CREBBP: variants seen among roughly 807,000 people sequenced by gnomAD.
CREBBP encodes CREB binding lysine acetyltransferase, also known as CREB-binding protein.
A neutral mutation model predicts 265.0 loss-of-function variants in CREBBP; 19 were observed. That is an observed-to-expected ratio of 0.07 (90% CI 0.05 to 0.11). The LOEUF (loss-of-function observed/expected upper bound fraction) is 0.11. Ranked by LOEUF, CREBBP falls within the 10% of genes least tolerant of loss-of-function variation. CREBBP has a pLI of 1.00. For synonymous variants in CREBBP, 1,457 were observed against 1,223.7 expected (o/e 1.19, Z -3.98); for missense variants, 2,525 against 3,219.0 (o/e 0.78, Z 5.22).
intron 1 of CREBBP, among the ~76,000 whole-genome samples, chr16:3,870,850 A>T (rs2055279052): frequency 6.6e-6 from 1 of 152,090 alleles, no homozygotes; most frequent in Admixed American, 6.6e-5. Context: ...GTACCAAGAT[A>T]ATCAAAGTAA....
chr16:3,777,552 G>A lies in CREBBP; in HGVS notation c.2158+61C>T, dbSNP rs12051375. The A allele has an allele frequency of 0.02, 31,108 of 1,545,000 alleles. 1,862 individuals are homozygous for A. The highest frequency in any genetic ancestry group is 0.18 in the East Asian group (7,907 of 44,572). On this transcript the variant is annotated intron_variant, in intron 11 of 30. Transcript: ENST00000262367. ...ATATACAGGGGGAGAGGAAAAAACA[G>A]TGAAAGTTATGGCTGTTGAATGTAA...
At position 3,758,954 on chromosome 16, in the gene CREBBP, A is replaced by G; in HGVS notation, c.3269T>C (p.Leu1090Ser). 1 of 1,612,960 alleles carries G rather than the reference A, an allele frequency of 6.2e-7. No individual in the cohort carries two copies. The highest frequency in any genetic ancestry group is 8.5e-7 in the Non-Finnish European group (1 of 1,179,772). The change falls in exon 17 of 31, where the codon TTA becomes TCA. Residue 1090 changes from leucine to serine, a missense_variant. Physicochemically the swap from Leu to Ser is moderately radical, Grantham distance 145. Around this residue, in one of 19 missense-constraint regions of CREBBP, gnomAD observed 12 missense variants for 24.9 expected, o/e 0.48. Transcript: ENST00000262367. ...PRKKIFKPEELRQALMPTLEA... is the reference protein window; with the variant it reads ...PRKKIFKPEESRQALMPTLEA... Reference sequence around the variant, plus strand: ...TAGGGTTGGCATGAGGGCCTGGCGTAACTCCTCTGGTTTAAAGACTGCAGA... The same window carrying G: ...TAGGGTTGGCATGAGGGCCTGGCGTGACTCCTCTGGTTTAAAGACTGCAGA...
Position 3,837,849 on chromosome 16 carries a change from A to T in CREBBP, c.798+12448T>A, listed in dbSNP as rs114513655. Among the ~76,000 whole-genome samples, 1,431 of 152,320 alleles carry T rather than the reference A, an allele frequency of 9.4e-3. 19 individuals are homozygous for T. The highest frequency in any genetic ancestry group is 0.032 in the African/African-American group (1,334 of 41,570). On this transcript the variant is annotated intron_variant, in intron 2 of 30. Coordinates refer to ENST00000262367, the MANE Select transcript of CREBBP (RefSeq NM_004380.3). ...AAAATAAATAAATTTAGCATGGCCT[A>T]AGTATATAGTGTTTATAAAGTCTAT...
At chr16:3,815,898 CTT>C (rs527433227) in intron 2 of CREBBP, among the ~76,000 whole-genome samples, 1 of 150,840 alleles carries the variant, frequency 6.6e-6, no homozygotes, top group Admixed American at 6.6e-5. Flanking sequence ...CTTATTCATT[CTT>C]TTTTTTTGTA....
chr16:3,731,375 C>T lies in CREBBP; in HGVS notation c.4989G>A (p.Gly1663=), dbSNP rs1292162799. 6.2e-7 allele frequency: 1 copy of T among 1,612,616 alleles called. No individual in the cohort carries two copies. Among genetic ancestry groups the T allele is most frequent in the Non-Finnish European group, 8.5e-7 (1 of 1,179,468 alleles). Residue 1663 remains glycine (G), a synonymous_variant, in exon 30 of 31, where the codon GGG becomes GGA. Transcript: ENST00000262367. The surrounding 1 kb of genome is among the most constrained non-coding windows in gnomAD (Gnocchi z 7.7). ...DPLLSCDLMD[G]RDAFLTLARD... is the part of the protein sequence containing the mutation. ...TGGCGAGGGTGAGGAAGGCGTCGCG[C>T]CCATCCATGAGGTCACAGCTGAGCA...
In CREBBP at chr16:3,782,949, A is replaced by G. The variant is rs370117594; in HGVS notation, c.1331-23T>C. On this transcript the variant is annotated intron_variant, in intron 5 of 30. Transcript: ENST00000262367. ...TGGCTATAACGACAAACAGACAGAC[A>G]GACAAAAACGAGAGGTAAGTAAAAG... 9 of 1,614,078 alleles carry G rather than the reference A, an allele frequency of 5.6e-6. No individual in the cohort carries two copies. In the African/African-American group the frequency reaches 1.1e-4, roughly 19 times the overall value.
chr16:3,747,199 C>G (rs2052362615), intron 21 of CREBBP, among the ~76,000 whole-genome samples: 1 of 152,164 alleles, frequency 6.6e-6, no homozygotes, highest in African/African-American at 2.4e-5. Context: ...ATGTCTTCTC[C>G]TCTTCTGTTC....
At chr16:3,814,565 T>C (rs562033947) in intron 2 of CREBBP, among the ~76,000 whole-genome samples, 1 of 152,090 alleles carries the variant, frequency 6.6e-6, no homozygotes, top group South Asian at 2.1e-4. Context: ...CCATAACTGG[T>C]CAATTTCAAA....
intron 28 of CREBBP, 31 bp downstream of exon 28, chr16:3,736,005 T>G (rs770191253): frequency 6.2e-7 from 1 of 1,614,156 alleles, no homozygotes; most frequent in East Asian, 2.2e-5. Context: ...GCGGGACACG[T>G]GGGCAATGGA....
intron 1 of CREBBP, among the ~76,000 whole-genome samples, chr16:3,879,229 C>A (rs935201695): frequency 7.2e-4 from 17 of 23,670 alleles, no homozygotes; most frequent in African/African-American, 1.6e-3. Flanking sequence ...AAAACACACA[C>A]GCGCGCACAC....
chr16:3,756,736 C>G (rs1256517301), intron 19 of CREBBP, among the ~76,000 whole-genome samples: 1 of 152,164 alleles, frequency 6.6e-6, no homozygotes, highest in Non-Finnish European at 1.5e-5. Flanking sequence ...ACTGATCAGG[C>G]CAAATTACCA....
At position 3,725,453 on chromosome 16, in the gene CREBBP, C is replaced by T. The variant is rs184069497; in HGVS notation, c.*2265G>A. The T allele has an allele frequency of 4.4e-3, 1,024 of 233,282 alleles. 4 individuals carry two copies. Among genetic ancestry groups the T allele is most frequent in the Non-Finnish European group, 6.9e-3 (810 of 118,042 alleles). 14.5% of individuals were successfully genotyped at this position (233,282 alleles called of 1,614,324 possible). ...TAGAGCTGCTGCTCTCGGGCTCTAG[C>T]CCCACTTCTTGTTTGAACACATGGC... On this transcript the variant is annotated 3_prime_UTR_variant, in exon 31 of 31. Transcript: ENST00000262367.
intron 23 of CREBBP, 194 bp from the exon 24 acceptor site, chr16:3,740,743 A>G: frequency 1.4e-6 from 1 of 708,906 alleles, no homozygotes; most frequent in Non-Finnish European, 2.4e-6. Flanking sequence ...CTGGGATCTC[A>G]GGCACTCCAC....
chr16:3,745,913 C>T (rs1384045784), intron 21 of CREBBP, among the ~76,000 whole-genome samples: 1 of 152,234 alleles, frequency 6.6e-6, no homozygotes, highest in Non-Finnish European at 1.5e-5. Flanking sequence ...GGCAAGTTGA[C>T]AAGGGTTTAT....
At chr16:3,786,570 C>A (rs2053392166) in intron 5 of CREBBP, among the ~76,000 whole-genome samples, 1 of 152,138 alleles carries the variant, frequency 6.6e-6, no homozygotes, top group Non-Finnish European at 1.5e-5. Flanking sequence ...TGAAGCAGAG[C>A]AGTAGTTGCT....
chr16:3,833,618 C>G (rs2054385954), intron 2 of CREBBP, among the ~76,000 whole-genome samples: 1 of 152,124 alleles, frequency 6.6e-6, no homozygotes, highest in African/African-American at 2.4e-5. Flanking sequence ...AACATTAATA[C>G]AGAAACATTT....
rs758303526 is a variant in CREBBP at position 3,755,555 on chromosome 16, G to A, written c.3698+1733C>T. 1.3e-4 allele frequency among the ~76,000 whole-genome samples: 20 copies of A among 152,206 alleles called. No homozygotes were observed. In the East Asian group the frequency reaches 3.7e-3, roughly 28 times the overall value. On this transcript the variant is annotated intron_variant, in intron 19 of 30. Coordinates refer to ENST00000262367, the MANE Select transcript of CREBBP (RefSeq NM_004380.3). ...ACAAAATGAGGCTGCGAGGGAAGAC[G>A]CTATTGTCTGTATCACAGACAAGGC...
At chr16:3,766,773 C>T (rs1010045080) in intron 16 of CREBBP, among the ~76,000 whole-genome samples, 2 of 152,144 alleles carry the variant, frequency 1.3e-5, no homozygotes, top group African/African-American at 4.8e-5. Context: ...GCAAGCCTCC[C>T]ATCTCAGCCT....
rs546891655 is a variant in CREBBP at position 3,862,492 on chromosome 16, C to T, written c.86-11483G>A. On this transcript the variant is annotated intron_variant, in intron 1 of 30. Coordinates refer to ENST00000262367, the MANE Select transcript of CREBBP (RefSeq NM_004380.3). The stretch of plus-strand genomic sequence containing the variant: ...TTTAATAAACCGAATTGTCTTAAAA[C>T]CCTCAACACAGCACTTACATTTATA... 1.5e-3 allele frequency among the ~76,000 whole-genome samples: 225 copies of T among 152,320 alleles called. 2 individuals are homozygous for T. The highest frequency in any genetic ancestry group is 2.0e-3 in the Non-Finnish European group (135 of 68,026).
Sources: gnomAD v4.1 joint callset for allele counts (sites outside exome capture counted in the v4.1 genomes callset) on GRCh38, gnomAD v4.1.1 for gene constraint, gnomAD v4.1.1 regional missense constraint, Gnocchi (gnomAD v3.1) non-coding constraint, MANE v1.5 for transcripts, NCBI Gene and HGNC (gene_info 2026-07-23, HGNC 2026-07-21) for gene names.